The following ANKRD18B variants were observed in gnomAD, a reference collection of about 807,000 sequenced individuals.
ANKRD18B encodes ankyrin repeat domain-containing protein 18B.
Under a neutral mutation model 111.8 loss-of-function variants are expected in ANKRD18B, and 75 were observed. That is an observed-to-expected ratio of 0.67 (90% CI 0.56 to 0.81). The LOEUF (loss-of-function observed/expected upper bound fraction) is 0.81, where lower values mean the gene tolerates loss of function less well. Among genes scored for constraint, ANKRD18B ranks in the 40% least tolerant of loss-of-function variants. The pLI, the probability that ANKRD18B is intolerant of heterozygous loss-of-function variation, is 0.00. For missense variants in ANKRD18B, 1,038 were observed against 1,225.5 expected (o/e 0.85, Z 2.28); for synonymous variants, 356 against 417.3 (o/e 0.85, Z 1.79).
At chr9:33,572,287 A>G (rs1828791153) in intron 18 of ANKRD18B, 29 bp from the exon 19 acceptor site, 2 of 1,558,036 alleles carry the variant, frequency 1.3e-6, no homozygotes, top group Admixed American at 3.4e-5. Context: ...TTTTAGGTAA[A>G]GAACATAATC....
intron 12 of ANKRD18B, among the ~76,000 whole-genome samples, chr9:33,550,812 G>A: frequency 6.6e-6 from 1 of 152,162 alleles, no homozygotes; most frequent in Middle Eastern, 3.2e-3. Flanking sequence ...TCTTGGGAAA[G>A]TTGAGAATGA....
At chr9:33,571,815 C>T (rs997291218) in intron 18 of ANKRD18B, 82 of 155,700 alleles carry the variant, frequency 5.3e-4, no homozygotes, top group Non-Finnish European at 2.6e-4. Context: ...TCTTTGCCTT[C>T]GCCTCTTCCC....
intron 17 of ANKRD18B, among the ~76,000 whole-genome samples, chr9:33,570,169 A>G (rs1437361229): frequency 2.0e-5 from 3 of 152,232 alleles, no homozygotes; most frequent in African/African-American, 4.8e-5. Flanking sequence ...TACAGCTGGA[A>G]TCCACTATCC....
downstream of ANKRD18B, chr9:33,573,160 T>G: frequency 1.0e-6 from 1 of 984,084 alleles, no homozygotes; most frequent in Non-Finnish European, 1.2e-6. Context: ...GTATTTTCTC[T>G]GCGGCAACCC....
chr9:33,556,356 T>C (rs1828527043), intron 13 of ANKRD18B, among the ~76,000 whole-genome samples: 1 of 151,394 alleles, frequency 6.6e-6, no homozygotes, highest in East Asian at 1.9e-4. Context: ...CTCTGCCACC[T>C]GGGTTCAAGT....
At chr9:33,535,439 C>G (rs1179374611) in intron 5 of ANKRD18B, among the ~76,000 whole-genome samples, 1 of 152,032 alleles carries the variant, frequency 6.6e-6, no homozygotes, top group African/African-American at 2.4e-5. Flanking sequence ...GCACCCGCCA[C>G]CATCCCTGGC....
intron 3 of ANKRD18B, among the ~76,000 whole-genome samples, chr9:33,531,482 G>A (rs1287061784): frequency 6.6e-6 from 1 of 151,634 alleles, no homozygotes; most frequent in Non-Finnish European, 1.5e-5. Context: ...TCATGCAGAA[G>A]TCTGGACCTC....
At chr9:33,530,873 G>A (rs1316167433) in intron 3 of ANKRD18B, among the ~76,000 whole-genome samples, 2 of 152,202 alleles carry the variant, frequency 1.3e-5, no homozygotes, top group Non-Finnish European at 2.9e-5. Flanking sequence ...ATAAGTAGAG[G>A]CTGACCCTTT....
At chr9:33,558,792 A>G (rs926412378) in intron 14 of ANKRD18B, among the ~76,000 whole-genome samples, 1 of 152,192 alleles carries the variant, frequency 6.6e-6, no homozygotes, top group African/African-American at 2.4e-5. Flanking sequence ...AAATACATCT[A>G]AGGAGGTTGA....
chr9:33,537,453 G>C (rs1186602823), intron 6 of ANKRD18B, among the ~76,000 whole-genome samples: 1 of 151,984 alleles, frequency 6.6e-6, no homozygotes, highest in Non-Finnish European at 1.5e-5. Flanking sequence ...AAACCGTATT[G>C]TCTGAAAAAA....
rs1828404145 is a variant in ANKRD18B at position 33,548,764 on chromosome 9, T to C, written c.1976T>C (p.Leu659Pro). The C allele has an allele frequency of 6.5e-7, 1 of 1,549,260 alleles. No individual in the cohort carries two copies. Among genetic ancestry groups the C allele is most frequent in the Non-Finnish European group, 8.7e-7 (1 of 1,146,080 alleles). Residue 659 changes from leucine (L) to proline (P), a missense_variant, in exon 11 of 19, where the codon CTT becomes CCT. Around this residue, in one of 4 missense-constraint regions of ANKRD18B, gnomAD observed 524 missense variants for 677.9 expected, o/e 0.77. Transcript: ENST00000684830. ...TGTCTTGAGAATGGAAAGGAAGATC[T>C]TCTAGAAGAAAGAAATAAGGAATTA... Reference protein sequence around the residue: ...RDCLENGKEDLLEERNKELMN... With the variant: ...RDCLENGKEDPLEERNKELMN...
intron 4 of ANKRD18B, among the ~76,000 whole-genome samples, 168 bp from the exon 5 acceptor site, chr9:33,534,202 G>A (rs1410117672): frequency 6.6e-6 from 1 of 152,120 alleles, no homozygotes; most frequent in Non-Finnish European, 1.5e-5. Context: ...AATTTAACAA[G>A]ATGAACACTT....
intron 2 of ANKRD18B, 25 bp downstream of exon 2, chr9:33,528,866 A>G (rs771176134): frequency 6.3e-7 from 1 of 1,582,080 alleles, no homozygotes; most frequent in South Asian, 1.2e-5. Context: ...ACTCAGCATG[A>G]AATGGATTTG....
chr9:33,550,651 G>A (rs1828434047), intron 12 of ANKRD18B, 72 bp downstream of exon 12: 1 of 1,317,068 alleles, frequency 7.6e-7, no homozygotes. Flanking sequence ...AGTGTCTTAG[G>A]ATACTAATTT....
At position 33,529,887 on chromosome 9, in the gene ANKRD18B, A is replaced by T. The variant is rs187604620; in HGVS notation, c.495+714A>T. On this transcript the variant is annotated intron_variant, in intron 3 of 18. Transcript: ENST00000684830. Reference sequence around the variant, plus strand: ...AACACTTCAGCAAAGGGTGGAACAAATTAGTAACTGATTTATTACCCATCC... The same window carrying T: ...AACACTTCAGCAAAGGGTGGAACAATTTAGTAACTGATTTATTACCCATCC... Among the ~76,000 whole-genome samples, 4 of 152,316 alleles carry T rather than the reference A, an allele frequency of 2.6e-5. No homozygotes were observed. The East Asian group carries it at 7.7e-4, about 29-fold the overall frequency.
intron 14 of ANKRD18B, among the ~76,000 whole-genome samples, chr9:33,565,111 A>G (rs1351864588): frequency 3.3e-5 from 5 of 152,146 alleles, no homozygotes; most frequent in Non-Finnish European, 7.4e-5. Flanking sequence ...GTCCTGAAGC[A>G]TTTTCCCTAT....
chr9:33,528,926 G>A (rs1413875896), intron 2 of ANKRD18B, 74 bp from the exon 3 acceptor site: 16 of 1,576,478 alleles, frequency 1.0e-5, no homozygotes, highest in Non-Finnish European at 1.3e-5. Flanking sequence ...AATATAGCTA[G>A]TTGGTGAAAC....
intron 5 of ANKRD18B, among the ~76,000 whole-genome samples, chr9:33,535,851 T>C (rs1013203333): frequency 2.0e-5 from 3 of 148,620 alleles, no homozygotes; most frequent in African/African-American, 7.4e-5. Flanking sequence ...TCTTATATTA[T>C]AATGAAAATC....
At chr9:33,527,309 TTTTG>T (rs68020937) in intron 1 of ANKRD18B, among the ~76,000 whole-genome samples, 28 of 144,570 alleles carry the variant, frequency 1.9e-4, no homozygotes, top group Middle Eastern at 3.5e-3. Context: ...ATGTTTCTTT[TTTTG>T]TTTGTTTGTT....
Sources: gnomAD v4.1 joint callset for allele counts (sites outside exome capture counted in the v4.1 genomes callset) on GRCh38, gnomAD v4.1.1 for gene constraint, gnomAD v4.1.1 regional missense constraint, MANE v1.5 for transcripts, NCBI Gene and HGNC (gene_info 2026-07-23, HGNC 2026-07-21) for gene names.